The following NTRK1 variants were observed in gnomAD, a reference collection of about 807,000 sequenced individuals.
NTRK1 encodes high affinity nerve growth factor receptor.
A neutral mutation model predicts 86.8 loss-of-function variants in NTRK1; 62 were observed. That is an observed-to-expected ratio of 0.71 (90% confidence interval 0.58 to 0.88). The LOEUF is 0.88. NTRK1 is among the 40% of genes least tolerant of loss of function. NTRK1 has a pLI of 0.00. For synonymous variants in NTRK1, 469 were observed against 456.6 expected (o/e 1.03, Z -0.35); for missense variants, 967 against 1,078.4 (o/e 0.90, Z 1.45).
At chr1:156,867,952 T>TA (rs2102892134) in intron 4 of NTRK1, 152 bp from the exon 5 acceptor site, 6 of 864,518 alleles carry the variant, frequency 6.9e-6, no homozygotes, top group South Asian at 5.8e-5. Flanking sequence ...TTTCTTTGAA[T>TA]AACATCCTGT....
At chr1:156,853,621 C>T (rs574346471) in intron 2 of NTRK1, 2 of 947,912 alleles carry the variant, frequency 2.1e-6, no homozygotes, top group East Asian at 4.9e-5. Context: ...CCTTACCTGC[C>T]TCATAGGATG....
chr1:156,876,360 C>A (rs141373787), intron 13 of NTRK1, 40 bp from the exon 14 acceptor site: 7 of 1,612,560 alleles, frequency 4.3e-6, no homozygotes, highest in Non-Finnish European at 5.9e-6. Flanking sequence ...AGTGAGGGCT[C>A]GGCCCCCAAC....
chr1:156,858,814 A>G, upstream of NTRK1: 1 of 603,988 alleles, frequency 1.7e-6, no homozygotes. Context: ...AGAGACACAA[A>G]GACAGTGACA....
intron 2 of NTRK1, chr1:156,845,400 C>T (rs777770717): frequency 3.2e-6 from 5 of 1,562,666 alleles, no homozygotes; most frequent in Non-Finnish European, 2.6e-6. Flanking sequence ...ATGGACGTCA[C>T]CTTCCAAGGG....
At chr1:156,826,366 T>C (rs921274006) in intron 1 of NTRK1, among the ~76,000 whole-genome samples, 2 of 147,548 alleles carry the variant, frequency 1.4e-5, no homozygotes, top group African/African-American at 5.0e-5. Context: ...AGTGGCGTGA[T>C]CTCGGCTCAC....
chr1:156,845,808 C>A, intron 2 of NTRK1: 1 of 1,612,242 alleles, frequency 6.2e-7, no homozygotes, highest in Non-Finnish European at 8.5e-7. Context: ...GGTGGGCAGC[C>A]GCAAGCCTGG....
intron 1 of NTRK1, among the ~76,000 whole-genome samples, chr1:156,820,236 T>C (rs906623278): frequency 1.3e-5 from 2 of 152,166 alleles, no homozygotes; most frequent in Admixed American, 6.5e-5. Flanking sequence ...AGGGTGTCCT[T>C]CCCCAATCTA....
intron 1 of NTRK1, among the ~76,000 whole-genome samples, chr1:156,821,145 G>A (rs1392032363): frequency 5.3e-5 from 8 of 152,106 alleles, no homozygotes; most frequent in South Asian, 2.1e-4. Context: ...TAGGTTGGTC[G>A]TTGTTGGTGT....
intron 10 of NTRK1, 53 bp from the exon 11 acceptor site, chr1:156,874,853 C>A (rs1647797813): frequency 7.2e-7 from 1 of 1,379,660 alleles, no homozygotes; most frequent in Non-Finnish European, 1.0e-6. Flanking sequence ...CTACAGGAGG[C>A]TCTGAGAGTA....
chr1:156,876,682 A>T lies in NTRK1; in HGVS notation c.1805+110A>T. On this transcript the variant is annotated intron_variant, in intron 14 of 16. Transcript: ENST00000524377. Reference sequence around the variant, plus strand: ...TTCAAACCAAGGGGAGACACCAAGAAAGATCAGGAAGGCACATTCCCGTCC... The same window carrying T: ...TTCAAACCAAGGGGAGACACCAAGATAGATCAGGAAGGCACATTCCCGTCC... The T allele has an allele frequency of 2.2e-6, 3 of 1,344,540 alleles. No homozygotes were observed. In the South Asian group the frequency reaches 3.8e-5, roughly 17 times the overall value. 83.3% of individuals were successfully genotyped at this position (1,344,540 alleles called of 1,614,324 possible). A position where few individuals can be genotyped will look rare whatever the true frequency, so the allele number is the denominator to read the frequency against.
chr1:156,825,685 G>A (rs1338008511), intron 1 of NTRK1, among the ~76,000 whole-genome samples: 3 of 152,200 alleles, frequency 2.0e-5, no homozygotes, highest in African/African-American at 7.2e-5. Context: ...TTTTACAAGT[G>A]AGAAAACTGA....
intron 11 of NTRK1, among the ~76,000 whole-genome samples, chr1:156,875,259 G>A (rs1647829183): frequency 6.6e-6 from 1 of 152,028 alleles, no homozygotes; most frequent in Admixed American, 6.5e-5. Context: ...TTGTAGTCAA[G>A]CATTAAGTGG....
Position 156,820,876 on chromosome 1 carries a change from G to A in NTRK1, c.-64+5038G>A, listed in dbSNP as rs548194633. Among the ~76,000 whole-genome samples the A allele has an allele frequency of 6.6e-5, 10 of 152,306 alleles. No individual in the cohort carries two copies. The South Asian group carries it at 1.4e-3, about 22-fold the overall frequency. Reference sequence around the variant, plus strand: ...TTGAATCTGTAGATTGCTTTGGGCAGTATGGTCATTTTCACAATATTGATT... The same window carrying A: ...TTGAATCTGTAGATTGCTTTGGGCAATATGGTCATTTTCACAATATTGATT... On this transcript the variant is annotated intron_variant, in intron 1 of 16. Transcript: ENST00000392302.
At chr1:156,819,910 A>G (rs1370560855) in intron 1 of NTRK1, among the ~76,000 whole-genome samples, 3 of 151,694 alleles carry the variant, frequency 2.0e-5, no homozygotes, top group Non-Finnish European at 4.4e-5. Context: ...GTTTTCTCCC[A>G]CTCTGTGGAT....
At chr1:156,829,352 C>G (rs1327296298) in intron 1 of NTRK1, among the ~76,000 whole-genome samples, 1 of 152,136 alleles carries the variant, frequency 6.6e-6, no homozygotes, top group Non-Finnish European at 1.5e-5. Flanking sequence ...CCTCATCCCC[C>G]CTTTTCAGTT....
intron 2 of NTRK1, among the ~76,000 whole-genome samples, chr1:156,855,546 G>A (rs1402701947): frequency 6.6e-6 from 1 of 152,068 alleles, no homozygotes; most frequent in Non-Finnish European, 1.5e-5. Context: ...TCACTGGCTG[G>A]GTGCAGTGGC....
In NTRK1 at chr1:156,851,972, A is replaced by G. The variant is rs375534029; in HGVS notation, c.50+9779A>G. The G allele has an allele frequency of 2.5e-6, 4 of 1,608,994 alleles. No individual in the cohort carries two copies. The African/African-American group carries it at 5.3e-5, about 21-fold the overall frequency. On this transcript the variant is annotated intron_variant, in intron 2 of 16. Coordinates refer to the NTRK1 transcript ENST00000392302. Reference sequence around the variant, plus strand: ...GCCGAAGGTGGAGGCACGGCCGGGCACAGAGTGCAGGCTGGCACAGCGCTC... The same window carrying G: ...GCCGAAGGTGGAGGCACGGCCGGGCGCAGAGTGCAGGCTGGCACAGCGCTC...
intron 1 of NTRK1, among the ~76,000 whole-genome samples, chr1:156,824,952 G>A (rs1317891937): frequency 1.3e-5 from 2 of 152,058 alleles, no homozygotes; most frequent in African/African-American, 2.4e-5. Flanking sequence ...GTACAATGGC[G>A]CCTCTCAGCT....
At chr1:156,843,519 C>T in intron 2 of NTRK1, 1 of 1,596,912 alleles carries the variant, frequency 6.3e-7, no homozygotes. Flanking sequence ...GAAGGGTTCT[C>T]AGGAAGGAAT....
Sources: gnomAD v4.1 joint callset for allele counts (sites outside exome capture counted in the v4.1 genomes callset) on GRCh38, gnomAD v4.1.1 for gene constraint, MANE v1.5 for transcripts, NCBI Gene and HGNC (gene_info 2026-07-23, HGNC 2026-07-21) for gene names.